Variants in KLHL1 observed in about 807,000 individuals in gnomAD.
The protein encoded by KLHL1 is kelch-like protein 1.
KLHL1 carries 47 observed loss-of-function variants against 77.7 expected under a neutral mutation model. That is an observed-to-expected ratio of 0.60 (90% confidence interval 0.48 to 0.77). The LOEUF (loss-of-function observed/expected upper bound fraction) is 0.77. Among genes scored for constraint, KLHL1 ranks in the 30% least tolerant of loss-of-function variants. The pLI is 0.00. For synonymous variants in KLHL1, 360 were observed against 325.2 expected (o/e 1.11, Z -1.15); for missense variants, 925 against 910.8 (o/e 1.02, Z -0.20).
In KLHL1 at chr13:70,011,383, A is replaced by T. The variant is rs537141154; in HGVS notation, c.498-35581T>A. On this transcript the variant is annotated intron_variant, in intron 1 of 10. Transcript: ENST00000377844. ...TATAGAAAGTTTAGTATTTTAATAC[A>T]ATATACCTGGACCAGATAGTAACTC... 3.9e-5 allele frequency among the ~76,000 whole-genome samples: 6 copies of T among 152,310 alleles called. No individual in the cohort carries two copies. In the East Asian group the frequency reaches 1.2e-3, roughly 29 times the overall value.
At chr13:69,843,639 A>C (rs549029774) in intron 5 of KLHL1, among the ~76,000 whole-genome samples, 1 of 151,870 alleles carries the variant, frequency 6.6e-6, no homozygotes, top group Admixed American at 6.6e-5. Flanking sequence ...ACACTTAAAA[A>C]TTATATGTTA....
intron 4 of KLHL1, among the ~76,000 whole-genome samples, chr13:69,922,720 A>T (rs1566405432): frequency 6.6e-6 from 1 of 152,318 alleles, no homozygotes; most frequent in Admixed American, 6.5e-5. Context: ...TACAAAGAAC[A>T]AATTTACAGA....
At chr13:70,046,513 A>C (rs1566529404) in intron 1 of KLHL1, among the ~76,000 whole-genome samples, 1 of 152,124 alleles carries the variant, frequency 6.6e-6, no homozygotes, top group Non-Finnish European at 1.5e-5. Context: ...TTTGAGACAG[A>C]ATCTCGCTCT....
chr13:69,967,359 G>A (rs1387599805), intron 2 of KLHL1, among the ~76,000 whole-genome samples: 1 of 152,100 alleles, frequency 6.6e-6, no homozygotes, highest in East Asian at 1.9e-4. Flanking sequence ...TGACTTTGAA[G>A]GGTTTAAGAC....
chr13:70,091,243 T>G (rs979978394), intron 1 of KLHL1, among the ~76,000 whole-genome samples: 4 of 152,148 alleles, frequency 2.6e-5, no homozygotes, highest in African/African-American at 9.6e-5. Context: ...ATTGTGTACC[T>G]ACTTTGTCAA....
At chr13:69,965,184 T>C (rs574855152) in intron 2 of KLHL1, among the ~76,000 whole-genome samples, 2 of 152,230 alleles carry the variant, frequency 1.3e-5, no homozygotes, top group Non-Finnish European at 1.5e-5. Context: ...TTGCAGATAC[T>C]GCAGTTTTTT....
intron 7 of KLHL1, among the ~76,000 whole-genome samples, chr13:69,787,024 G>A (rs1375755507): frequency 6.6e-6 from 1 of 152,160 alleles, no homozygotes; most frequent in East Asian, 1.9e-4. Flanking sequence ...ACAAACAAAT[G>A]GAAGAACATT....
intron 9 of KLHL1, among the ~76,000 whole-genome samples, chr13:69,716,556 G>T (rs762171158): frequency 4.6e-5 from 7 of 152,064 alleles, no homozygotes; most frequent in Admixed American, 3.3e-4. Flanking sequence ...TGCAGAAGTG[G>T]GTATTACAAA....
At chr13:69,827,469 C>T (rs557994943) in intron 6 of KLHL1, among the ~76,000 whole-genome samples, 6 of 151,928 alleles carry the variant, frequency 3.9e-5, no homozygotes, top group African/African-American at 1.4e-4. Context: ...TGGTGGCTCA[C>T]GCCTGTAATC....
intron 5 of KLHL1, among the ~76,000 whole-genome samples, chr13:69,843,052 T>C (rs918115393): frequency 5.3e-5 from 8 of 151,510 alleles, no homozygotes; most frequent in Non-Finnish European, 1.0e-4. Flanking sequence ...GTGGGAGATA[T>C]GGAGAACAAG....
chr13:69,723,840 AT>A (rs746350927), intron 8 of KLHL1, among the ~76,000 whole-genome samples: 53 of 58,328 alleles, frequency 9.1e-4, no homozygotes, highest in Middle Eastern at 9.4e-3. Flanking sequence ...GCCAGTCAGA[AT>A]TTTTTTTTTT....
chr13:70,017,234 T>G (rs1885680455), intron 1 of KLHL1, among the ~76,000 whole-genome samples: 1 of 152,182 alleles, frequency 6.6e-6, no homozygotes, highest in South Asian at 2.1e-4. Context: ...TTGCCAGTGA[T>G]GAGGAGAAAA....
At chr13:69,785,116 TCTC>T (rs1398054566) in intron 7 of KLHL1, among the ~76,000 whole-genome samples, 1 of 151,630 alleles carries the variant, frequency 6.6e-6, no homozygotes, top group Non-Finnish European at 1.5e-5. Context: ...ATGGTCTCGA[TCTC>T]CTGACCTCGT....
At chr13:70,096,871 A>G (rs923528168) in intron 1 of KLHL1, among the ~76,000 whole-genome samples, 6 of 152,106 alleles carry the variant, frequency 3.9e-5, no homozygotes, top group African/African-American at 1.4e-4. Context: ...AGTAGCAAGA[A>G]AAAAGGAAGA....
At chr13:69,911,354 C>T (rs9542111) in intron 4 of KLHL1, among the ~76,000 whole-genome samples, 86,856 of 151,732 alleles carry the variant, frequency 0.57, 24,862 homozygotes, top group South Asian at 0.66. Flanking sequence ...CAAAGAGTGA[C>T]ATTTTTGGAA....
At chr13:69,811,693 T>G (rs1163838630) in intron 6 of KLHL1, among the ~76,000 whole-genome samples, 2 of 152,164 alleles carry the variant, frequency 1.3e-5, no homozygotes, top group Admixed American at 1.3e-4. Flanking sequence ...GTTATCTCTC[T>G]TCACTGATTA....
intron 1 of KLHL1, among the ~76,000 whole-genome samples, chr13:70,076,043 A>C (rs2137424318): frequency 6.6e-6 from 1 of 151,978 alleles, no homozygotes; most frequent in South Asian, 2.1e-4. Flanking sequence ...AAATAATGTT[A>C]AGATGCGAGT....
At chr13:70,066,987 A>C (rs757116793) in intron 1 of KLHL1, among the ~76,000 whole-genome samples, 20 of 152,216 alleles carry the variant, frequency 1.3e-4, no homozygotes, top group Admixed American at 7.9e-4. Flanking sequence ...GTATAAAATA[A>C]AATTTATCAA....
chr13:69,808,356 C>T (rs1301999320), intron 6 of KLHL1, among the ~76,000 whole-genome samples: 1 of 152,134 alleles, frequency 6.6e-6, no homozygotes, highest in Non-Finnish European at 1.5e-5. Flanking sequence ...ACCTAGTAGA[C>T]TGCAGCCTGA....
Sources: gnomAD v4.1 joint callset for allele counts (sites outside exome capture counted in the v4.1 genomes callset) on GRCh38, gnomAD v4.1.1 for gene constraint, MANE v1.5 for transcripts, NCBI Gene and HGNC (gene_info 2026-07-23, HGNC 2026-07-21) for gene names.